The following MIGA2 variants were observed in gnomAD, a reference collection of about 807,000 sequenced individuals.
The protein encoded by MIGA2 is family with sequence similarity 73, member B.
Under a neutral mutation model 69.9 loss-of-function variants are expected in MIGA2, and 36 were observed. That is an observed-to-expected ratio of 0.52 (90% CI 0.39 to 0.68). MIGA2 has a LOEUF of 0.68. MIGA2 is among the 30% of genes least tolerant of loss of function. The probability of loss-of-function intolerance (pLI) is 0.00; values close to 1 mark genes in which losing one functional copy is unlikely to be tolerated. For missense variants in MIGA2, 660 were observed against 787.7 expected, an observed-to-expected ratio of 0.84 and a Z score of 1.94; for synonymous variants, 333 against 349.2, an observed-to-expected ratio of 0.95 and a Z score of 0.52.
chr9:129,059,399 G>C lies in MIGA2; in HGVS notation c.793+128G>C. 2.9e-6 allele frequency: 2 copies of C among 687,122 alleles called. No individual in the cohort carries two copies. The highest frequency in any genetic ancestry group is 5.1e-6 in the Non-Finnish European group (2 of 395,934). The allele number at this position is 687,122 out of a possible 1,614,324, so 42.6% of individuals were successfully genotyped here. A position where few individuals can be genotyped will look rare whatever the true frequency, so the allele number is the denominator to read the frequency against. ...TGAATCAGAATCCCCAGGGCTCTCC[G>C]ACCTCGCGTGATCCAGCACCTTATG... On this transcript the variant is annotated intron_variant, in intron 7 of 15. Coordinates refer to ENST00000684074, the MANE Select transcript of MIGA2 (RefSeq NM_001329990.2). The surrounding 1 kb of genome is among the most constrained non-coding windows in gnomAD (Gnocchi z 5.6).
At chr9:129,047,305 C>T (rs1845278968) in intron 3 of MIGA2, 1 of 152,164 alleles carries the variant, frequency 6.6e-6, no homozygotes, top group Non-Finnish European at 1.5e-5. Context: ...TCTCGAACTC[C>T]TAATCTCATG....
At position 129,061,276 on chromosome 9, in the gene MIGA2, A is replaced by G. The variant is rs776215710; in HGVS notation, c.940A>G (p.Arg314Gly). Residue 314 changes from arginine to glycine, a missense_variant, in exon 9 of 16, where the codon AGA becomes GGA. Arg to Gly is a moderately radical substitution (Grantham distance 125, BLOSUM62 -2). This residue lies in a region of MIGA2 where 386 missense variants were observed against 402.0 expected (regional missense o/e 0.96). Transcript: ENST00000684074. This position sits in a 1 kb window ranked among gnomAD's most constrained non-coding sequence, Gnocchi z 5.0. ...QTGDYPIPLS[R>G]PAAAYEEALQ... ...TGGAGATTACCCGATCCCACTCTCC[A>G]GACCCGCCGCTGCCTATGAGGAGGC... 1.9e-6 allele frequency: 3 copies of G among 1,609,958 alleles called. No individual in the cohort carries two copies. The Admixed American group carries it at 5.0e-5, about 27-fold the overall frequency.
At chr9:129,042,577 T>C (rs1844976273) in intron 3 of MIGA2, 63 bp downstream of exon 3, 2 of 1,480,864 alleles carry the variant, frequency 1.4e-6, no homozygotes, top group African/African-American at 2.8e-5. Context: ...ATATCCCAGC[T>C]GGGTCACTCT....
chr9:129,042,530 T>C lies in MIGA2; in HGVS notation c.307+16T>C. The C allele has an allele frequency of 6.5e-7, 1 of 1,546,794 alleles. No individual in the cohort carries two copies. The highest frequency in any genetic ancestry group is 8.7e-7 in the Non-Finnish European group (1 of 1,148,766). On this transcript the variant is annotated intron_variant, in intron 3 of 15. Transcript: ENST00000684074. ...GTGAAGAAAGGTAGGTGTGAGGTGG[T>C]GGGCATAGGCCTGACCTGAGGTCAC...
chr9:129,047,856 A>G (rs533872861), intron 3 of MIGA2, among the ~76,000 whole-genome samples: 1 of 151,992 alleles, frequency 6.6e-6, no homozygotes, highest in African/African-American at 2.4e-5. Context: ...CAGCCTCCCA[A>G]GTAGCTGGGG....
Position 129,069,732 on chromosome 9 carries a change from A to C in MIGA2, c.1459-117A>C. ...GAGTCACTGCCCAGGGTCATCTAGC[A>C]GGAAAGTACATGAGCTGGGGCGACC... is the stretch of plus-strand genomic sequence containing the variant. On this transcript the variant is annotated intron_variant, in intron 14 of 15. Coordinates refer to ENST00000684074, the MANE Select transcript of MIGA2 (RefSeq NM_001329990.2). This position sits in a 1 kb window ranked among gnomAD's most constrained non-coding sequence, Gnocchi z 4.9. The C allele has an allele frequency of 1.3e-6, 1 of 775,226 alleles. No individual in the cohort carries two copies. The highest frequency in any genetic ancestry group is 2.3e-6 in the Non-Finnish European group (1 of 429,900). 48.0% of individuals were successfully genotyped at this position (775,226 alleles called of 1,614,324 possible).
chr9:129,050,806 C>T (rs983709329), intron 6 of MIGA2, among the ~76,000 whole-genome samples: 4 of 151,916 alleles, frequency 2.6e-5, no homozygotes, highest in Non-Finnish European at 2.9e-5. Flanking sequence ...CTCTTGACCT[C>T]GTGATCCGCC....
Position 129,063,235 on chromosome 9 carries a change from T to A in MIGA2, c.1011-9T>A. 1 of 1,613,810 alleles carries A rather than the reference T, an allele frequency of 6.2e-7. No homozygotes were observed. The highest frequency in any genetic ancestry group is 8.5e-7 in the Non-Finnish European group (1 of 1,179,906). ...CCAGGTTGTGTGACGCCGTCTGTCC[T>A]CCCCTCAGGACGGAGCTGCTGGGCT... On this transcript the variant is annotated splice_polypyrimidine_tract_variant and intron_variant, in intron 9 of 15. Coordinates refer to ENST00000684074, the MANE Select transcript of MIGA2 (RefSeq NM_001329990.2).
chr9:129,042,198 C>A, intron 2 of MIGA2, 106 bp from the exon 3 acceptor site: 1 of 1,113,436 alleles, frequency 9.0e-7, no homozygotes. Flanking sequence ...GGCAGATGTG[C>A]CGGAGAGCCG....
chr9:129,052,653 C>CCTT (rs1376098613), intron 6 of MIGA2, among the ~76,000 whole-genome samples: 1 of 152,100 alleles, frequency 6.6e-6, no homozygotes, highest in Non-Finnish European at 1.5e-5. Context: ...CTCACCCTTG[C>CCTT]CTTCATTCCT....
intron 4 of MIGA2, 62 bp from the exon 5 acceptor site, chr9:129,049,319 G>A: frequency 2.0e-6 from 3 of 1,522,014 alleles, no homozygotes; most frequent in Middle Eastern, 3.4e-4. Flanking sequence ...GAGGGCTCAG[G>A]GGGGCCCTGC....
At position 129,063,244 on chromosome 9, in the gene MIGA2, G is replaced by A; in HGVS notation, c.1011G>A (p.Arg337=). The stretch of plus-strand genomic sequence containing the variant: ...GTGACGCCGTCTGTCCTCCCCTCAG[G>A]ACGGAGCTGCTGGGCTGCTACAGTG... ...KEGRVPCRTL[R]TELLGCYSDQ... The change falls in exon 10 of 16, where the codon AGG becomes AGA. Residue 337 remains arginine (R), a splice_region_variant and synonymous_variant. Transcript: ENST00000684074. 6.2e-7 allele frequency: 1 copy of A among 1,614,004 alleles called. No homozygotes were observed. Among genetic ancestry groups the A allele is most frequent in the Middle Eastern group, 1.7e-4 (1 of 6,060 alleles).
rs7044671 is a variant in MIGA2 at position 129,068,087 on chromosome 9, C to T, written c.1270-111C>T. 1.6e-5 allele frequency: 24 copies of T among 1,465,278 alleles called. No individual in the cohort carries two copies. Among genetic ancestry groups the T allele is most frequent in the South Asian group, 1.6e-4 (14 of 87,014 alleles). The allele number at this position is 1,465,278 out of a possible 1,614,324, so 90.8% of individuals were successfully genotyped here. Reference sequence around the variant, plus strand: ...AGCAGAGCGGGAAAGACGTGTCCCCCCCACGTGTGCTCATGCCCTGGACCC... The same window carrying T: ...AGCAGAGCGGGAAAGACGTGTCCCCTCCACGTGTGCTCATGCCCTGGACCC... On this transcript the variant is annotated intron_variant, in intron 12 of 15. Transcript: ENST00000684074. The surrounding 1 kb of genome is among the most constrained non-coding windows in gnomAD (Gnocchi z 4.1).
chr9:129,063,510 C>G (rs199604581), intron 10 of MIGA2, 35 bp from the exon 11 acceptor site: 1 of 1,611,082 alleles, frequency 6.2e-7, no homozygotes, highest in Non-Finnish European at 8.5e-7. Flanking sequence ...CTGCCGTGCC[C>G]GGCAGCTCAC....
chr9:129,049,314 C>T, intron 4 of MIGA2, 67 bp from the exon 5 acceptor site: 1 of 1,506,362 alleles, frequency 6.6e-7, no homozygotes, highest in Non-Finnish European at 9.2e-7. Context: ...TGGAGGAGGG[C>T]TCAGGGGGGC....
At chr9:129,054,995 G>A (rs1457124188) in intron 6 of MIGA2, among the ~76,000 whole-genome samples, 1 of 151,198 alleles carries the variant, frequency 6.6e-6, no homozygotes, top group Admixed American at 6.6e-5. Context: ...AGGTTCAAAC[G>A]ATTCTCCTGC....
intron 1 of MIGA2, among the ~76,000 whole-genome samples, chr9:129,038,159 C>T (rs1312814699): frequency 6.6e-6 from 1 of 152,138 alleles, no homozygotes; most frequent in Non-Finnish European, 1.5e-5. Flanking sequence ...GCTCACGTAG[C>T]TCAATTCACA....
At chr9:129,037,008 G>A (rs1844625915) in intron 1 of MIGA2, 9 of 1,002,784 alleles carry the variant, frequency 9.0e-6, no homozygotes, top group Non-Finnish European at 1.1e-5. Flanking sequence ...GGCGCCAGAG[G>A]GTACCTGGGT....
At chr9:129,056,770 C>CG (rs111525564) in intron 6 of MIGA2, among the ~76,000 whole-genome samples, 29,138 of 151,986 alleles carry the variant, frequency 0.19, 3,968 homozygotes, top group African/African-American at 0.38. Flanking sequence ...CTGCCCGCCT[C>CG]GCCCCCCAAA....
Sources: gnomAD v4.1 joint callset for allele counts (sites outside exome capture counted in the v4.1 genomes callset) on GRCh38, gnomAD v4.1.1 for gene constraint, gnomAD v4.1.1 regional missense constraint, Gnocchi (gnomAD v3.1) non-coding constraint, MANE v1.5 for transcripts, NCBI Gene and HGNC (gene_info 2026-07-23, HGNC 2026-07-21) for gene names.